The following LPA variants were observed in gnomAD, a reference collection of about 807,000 sequenced individuals.
The protein encoded by LPA is apolipoprotein(a).
A neutral mutation model predicts 197.9 loss-of-function variants in LPA; 199 were observed. The observed-to-expected ratio is 1.01, with a 90% confidence interval of 0.90 to 1.13. LPA has a LOEUF of 1.13. Among genes scored for constraint, LPA ranks in the 50% most tolerant of loss-of-function variants. The pLI is 0.00. For missense variants in LPA, 1,853 were observed against 1,785.8 expected (o/e 1.04, Z -0.68); for synonymous variants, 715 against 639.5 (o/e 1.12, Z -1.78).
At chr6:160,662,811 T>C (rs955636152) in intron 1 of LPA, among the ~76,000 whole-genome samples, 1 of 152,232 alleles carries the variant, frequency 6.6e-6, no homozygotes, top group Non-Finnish European at 1.5e-5. Flanking sequence ...TGGTAATTTA[T>C]AGATTAAATT....
intron 22 of LPA, among the ~76,000 whole-genome samples, chr6:160,593,645 T>C (rs1231944632): frequency 2.6e-5 from 4 of 152,212 alleles, no homozygotes; most frequent in African/African-American, 9.6e-5. Context: ...GGTTGAACTA[T>C]TGCATTGGTC....
At chr6:160,541,612 T>C (rs1489751831) in intron 34 of LPA, among the ~76,000 whole-genome samples, 3 of 152,220 alleles carry the variant, frequency 2.0e-5, no homozygotes, top group African/African-American at 7.2e-5. Context: ...CAGTGACTCA[T>C]GAGGGTCTTC....
At chr6:160,542,543 T>A (rs2114999551) in intron 34 of LPA, 145 bp downstream of exon 34, 4 of 1,274,042 alleles carry the variant, frequency 3.1e-6, no homozygotes, top group African/African-American at 1.5e-5. Context: ...ATAACTTTTT[T>A]TAATTTTTCT....
chr6:160,600,872 T>C, intron 19 of LPA, 45 bp downstream of exon 19: 1 of 1,604,226 alleles, frequency 6.2e-7, no homozygotes, highest in South Asian at 1.1e-5. Context: ...CCATGGCTTT[T>C]CATCCCAGCA....
intron 1 of LPA, among the ~76,000 whole-genome samples, chr6:160,652,113 G>A (rs9456567): frequency 0.051 from 7,499 of 147,742 alleles, 663 homozygotes; most frequent in African/African-American, 0.18. Context: ...AATACAGAGA[G>A]AGAGAAGTGA....
chr6:160,553,961 G>GCGCA (rs1554231717), intron 30 of LPA, among the ~76,000 whole-genome samples: 5 of 149,760 alleles, frequency 3.3e-5, no homozygotes, highest in South Asian at 2.1e-4. Context: ...GTGTGCGCGC[G>GCGCA]CGCGCGTGTG....
At chr6:160,586,393 C>G in intron 25 of LPA, 56 bp downstream of exon 25, 1 of 1,595,770 alleles carries the variant, frequency 6.3e-7, no homozygotes, top group South Asian at 1.1e-5. Flanking sequence ...AAAGATTTTG[C>G]AAATCTTTTT....
intron 20 of LPA, among the ~76,000 whole-genome samples, chr6:160,595,827 C>T (rs375197382): frequency 9.9e-5 from 15 of 152,240 alleles, no homozygotes; most frequent in East Asian, 7.7e-4. Flanking sequence ...TGTACTTGTA[C>T]AACTTCAATT....
chr6:160,634,412 C>T (rs1044575618), intron 7 of LPA, among the ~76,000 whole-genome samples: 4 of 115,866 alleles, frequency 3.5e-5, no homozygotes, highest in Non-Finnish European at 7.1e-5. Flanking sequence ...AAGGCAAAGA[C>T]ACTTTGCTTC....
chr6:160,560,247 C>T (rs1778338848), intron 28 of LPA, among the ~76,000 whole-genome samples: 1 of 152,218 alleles, frequency 6.6e-6, no homozygotes, highest in South Asian at 2.1e-4. Flanking sequence ...CTACAATAAA[C>T]ATACGTGTGC....
At chr6:160,656,920 C>T (rs1780142569) in intron 1 of LPA, among the ~76,000 whole-genome samples, 1 of 152,164 alleles carries the variant, frequency 6.6e-6, no homozygotes, top group South Asian at 2.1e-4. Flanking sequence ...CTTCTAGGAA[C>T]ACCATGATTA....
intron 28 of LPA, among the ~76,000 whole-genome samples, chr6:160,557,793 G>T (rs1372387911): frequency 6.6e-6 from 1 of 151,906 alleles, no homozygotes; most frequent in Admixed American, 6.6e-5. Flanking sequence ...TATCAAAATT[G>T]GTCTATGATC....
At position 160,586,506 on chromosome 6, in the gene LPA, G is replaced by C. The variant is rs7765803; in HGVS notation, c.4072C>G (p.Leu1358Val). Reference protein sequence around the residue: ...LTQCPVMESTLLTTPTVVPVP... With the variant: ...LTQCPVMESTVLTTPTVVPVP... ...GGGACCACCGTGGGAGTTGTGAGGAGAGTTGATTCCATCACTGGACATTGC... is the reference window on the plus strand; with the variant it reads ...GGGACCACCGTGGGAGTTGTGAGGACAGTTGATTCCATCACTGGACATTGC... Residue 1358 changes from leucine to valine, a missense_variant, in exon 25 of 39, where the codon CTC becomes GTC. Coordinates refer to ENST00000316300, the MANE Select transcript of LPA (RefSeq NM_005577.4). 0.35 allele frequency: 570,422 copies of C among 1,613,150 alleles called. 103,992 individuals carry two copies. Among genetic ancestry groups the C allele is most frequent in the African/African-American group, 0.56 (41,731 of 74,920 alleles).
intron 18 of LPA, among the ~76,000 whole-genome samples, chr6:160,603,641 A>G (rs923247716): frequency 6.6e-6 from 1 of 152,188 alleles, no homozygotes; most frequent in African/African-American, 2.4e-5. Flanking sequence ...GTCATGGTTC[A>G]TACTAAAAGC....
Position 160,537,879 on chromosome 6 carries a change from T to C in LPA, c.5818A>G (p.Ile1940Val). The change falls in exon 37 of 39, where the codon ATC becomes GTC. Residue 1940 changes from isoleucine to valine, a missense_variant. Transcript: ENST00000316300. Reference protein sequence around the residue: ...YMVTARTECYITGWGETQGTF... With the variant: ...YMVTARTECYVTGWGETQGTF... ...CCTTGGGTTTCTCCCCAGCCAGTGA[T>C]GTAACATTCAGTCCTGGCGGTGACC... The C allele has an allele frequency of 6.2e-7, 1 of 1,614,242 alleles. No homozygotes were observed. The highest frequency in any genetic ancestry group is 8.5e-7 in the Non-Finnish European group (1 of 1,180,038).
rs1554231703 is a variant in LPA at position 160,553,954 on chromosome 6, TGCGCGCGCGCGC to T, written c.4973+2059_4973+2070del. 2.2e-3 allele frequency among the ~76,000 whole-genome samples: 282 copies of T among 130,784 alleles called. 1 individual carries two copies. Among genetic ancestry groups the T allele is most frequent in the Non-Finnish European group, 3.9e-3 (242 of 61,864 alleles). 85.8% of individuals were successfully genotyped at this position (130,784 alleles called of 152,430 possible). ...CTCTCTCTCTGTGTGTGTGTGTGTG[TGCGCGCGCGCGC>T]GTGTGCGTGTGTGTGTGTCTTACAG... On this transcript the variant is annotated intron_variant, in intron 30 of 38. Transcript: ENST00000316300.
chr6:160,564,149 C>A (rs1778409751), intron 28 of LPA, among the ~76,000 whole-genome samples: 1 of 152,142 alleles, frequency 6.6e-6, no homozygotes, highest in Non-Finnish European at 1.5e-5. Flanking sequence ...GATGCAGTTT[C>A]TTTATAGTGT....
intron 20 of LPA, among the ~76,000 whole-genome samples, chr6:160,596,189 C>T (rs1243905189): frequency 6.6e-6 from 1 of 152,184 alleles, no homozygotes; most frequent in Non-Finnish European, 1.5e-5. Flanking sequence ...TGGCACCTCT[C>T]CTCTGTTACT....
intron 20 of LPA, among the ~76,000 whole-genome samples, chr6:160,595,977 T>C (rs911785287): frequency 7.9e-5 from 12 of 152,324 alleles, no homozygotes; most frequent in Admixed American, 2.0e-4. Context: ...TTGTAGATTG[T>C]TTTATGCACA....
Sources: allele counts gnomAD v4.1 joint callset (sites outside exome capture counted in the v4.1 genomes callset), GRCh38; gene constraint gnomAD v4.1.1; transcripts MANE v1.5; gene names NCBI Gene and HGNC (gene_info 2026-07-23, HGNC 2026-07-21).